INPP5A: variants seen among roughly 807,000 people sequenced by gnomAD.
INPP5A encodes 43 kDa inositol polyphosphate 5-phophatase.
INPP5A carries 14 observed loss-of-function variants against 65.2 expected under a neutral mutation model. That is an observed-to-expected ratio of 0.21 (90% CI 0.14 to 0.34). The LOEUF is 0.34. Ranked by LOEUF, INPP5A falls within the 10% of genes least tolerant of loss-of-function variation. The pLI is 1.00. For missense variants in INPP5A, 431 were observed against 545.6 expected (o/e 0.79, Z 2.09); for synonymous variants, 207 against 208.3 (o/e 0.99, Z 0.05).
rs1042814668 is a variant in INPP5A at position 132,537,893 on chromosome 10, C to A, written c.-204C>A. ...GCGGCGGCGAGCGACGGGCGCGGGG[C>A]CGCGGAGCAGCGAGCGAGCGAGCGA... On this transcript the variant is annotated 5_prime_UTR_variant, in exon 1 of 16. Coordinates refer to ENST00000368594, the MANE Select transcript of INPP5A (RefSeq NM_005539.5). The A allele has an allele frequency of 6.6e-5, 20 of 304,002 alleles. No individual in the cohort carries two copies. Among genetic ancestry groups the A allele is most frequent in the African/African-American group, 4.2e-4 (19 of 44,898 alleles). 18.8% of individuals were successfully genotyped at this position (304,002 alleles called of 1,614,324 possible).
intron 2 of INPP5A, among the ~76,000 whole-genome samples, chr10:132,629,255 C>T (rs938635286): frequency 2.6e-5 from 4 of 152,334 alleles, no homozygotes; most frequent in African/African-American, 4.8e-5. Flanking sequence ...GACCCCAGCC[C>T]TCCCCTCCTA....
At chr10:132,749,673 C>T in intron 10 of INPP5A, 61 bp downstream of exon 10, 1 of 1,595,790 alleles carries the variant, frequency 6.3e-7, no homozygotes, top group Non-Finnish European at 8.6e-7. Context: ...TCTGCAGCTT[C>T]CTTCAGAGCC....
At chr10:132,691,525 C>T (rs1845261712) in intron 5 of INPP5A, among the ~76,000 whole-genome samples, 2 of 152,234 alleles carry the variant, frequency 1.3e-5, no homozygotes, top group South Asian at 2.1e-4. Flanking sequence ...CGCCGTGCCG[C>T]GGATCTGCAG....
At chr10:132,682,183 A>AAGGTGGACAGCGTCCTGGAGG (rs2073057112) in intron 4 of INPP5A, among the ~76,000 whole-genome samples, 1 of 100,272 alleles carries the variant, frequency 1.0e-5, no homozygotes, top group Non-Finnish European at 2.5e-5. Flanking sequence ...CGTCCTGGAG[A>AAGGTGGACAGCGTCCTGGAGG]TGGGAAGGTG....
At chr10:132,750,167 T>A (rs1846449406) in intron 11 of INPP5A, among the ~76,000 whole-genome samples, 1 of 152,250 alleles carries the variant, frequency 6.6e-6, no homozygotes, top group East Asian at 1.9e-4. Flanking sequence ...TGTCTCAGAG[T>A]GAACCGGCCG....
At chr10:132,723,002 A>T (rs1590957539) in intron 8 of INPP5A, among the ~76,000 whole-genome samples, 1 of 152,182 alleles carries the variant, frequency 6.6e-6, no homozygotes, top group Admixed American at 6.5e-5. Context: ...CTCGGCCGTG[A>T]CAGCCCCTTC....
intron 11 of INPP5A, among the ~76,000 whole-genome samples, chr10:132,760,272 G>C (rs1846708552): frequency 6.6e-6 from 1 of 152,228 alleles, no homozygotes; most frequent in South Asian, 2.1e-4. Flanking sequence ...CACAGGGCCA[G>C]CACCGAGGAC....
intron 11 of INPP5A, 92 bp from the exon 12 acceptor site, chr10:132,765,681 G>A (rs529932884): frequency 2.4e-5 from 19 of 778,386 alleles, no homozygotes; most frequent in African/African-American, 1.7e-4. Context: ...ATGTCACACC[G>A]AGCATTTGAG....
chr10:132,737,614 C>T (rs1033589180), intron 9 of INPP5A, among the ~76,000 whole-genome samples: 1 of 152,188 alleles, frequency 6.6e-6, no homozygotes, highest in Non-Finnish European at 1.5e-5. Context: ...CCCTCCCTGC[C>T]AGCTCCTCAG....
rs1398917995 is a variant in INPP5A, at chr10:132,549,952, C to G, written c.75+11781C>G. 1.7e-5 allele frequency among the ~76,000 whole-genome samples: 2 copies of G among 115,824 alleles called. No homozygotes were observed. Among genetic ancestry groups the G allele is most frequent in the African/African-American group, 6.8e-5 (2 of 29,398 alleles). The allele number at this position is 115,824 out of a possible 152,430, so 76.0% of individuals were successfully genotyped here. On this transcript the variant is annotated intron_variant, in intron 1 of 15. Coordinates refer to ENST00000368594, the MANE Select transcript of INPP5A (RefSeq NM_005539.5). This position sits in a 1 kb window ranked among gnomAD's most constrained non-coding sequence, Gnocchi z 4.9. ...GATGGGGTCAGCCTCGAGTTACTAA[C>G]CGGGCATTAGGGGATGGGGTCAGCC...
intron 13 of INPP5A, among the ~76,000 whole-genome samples, chr10:132,778,391 G>A (rs1847101008): frequency 6.9e-6 from 1 of 144,200 alleles, no homozygotes; most frequent in South Asian, 2.2e-4. Flanking sequence ...CAAATTCCTG[G>A]GCTCCAGCAT....
chr10:132,770,569 G>A lies in INPP5A; in HGVS notation c.977+4723G>A, dbSNP rs192645607. Among the ~76,000 whole-genome samples the A allele has an allele frequency of 8.8e-3, 1,346 of 152,316 alleles. 75 individuals are homozygous for A. Among genetic ancestry groups the A allele is most frequent in the Admixed American group, 0.082 (1,253 of 15,310 alleles). On this transcript the variant is annotated intron_variant, in intron 12 of 15. Coordinates refer to ENST00000368594, the MANE Select transcript of INPP5A (RefSeq NM_005539.5). ...CATCGAAATGGCCCCGCAGAGCCTC[G>A]CTGGCCGCCCCGGTGGCCTGGCCAC...
intron 2 of INPP5A, among the ~76,000 whole-genome samples, chr10:132,633,466 G>A (rs983514823): frequency 1.3e-5 from 2 of 152,128 alleles, no homozygotes; most frequent in African/African-American, 4.8e-5. Context: ...CGTGTCTGTC[G>A]GCTCTGGTGA....
At chr10:132,702,669 G>A (rs1000506335) in intron 6 of INPP5A, among the ~76,000 whole-genome samples, 3 of 152,192 alleles carry the variant, frequency 2.0e-5, no homozygotes, top group African/African-American at 4.8e-5. Flanking sequence ...CTGCCTGCCT[G>A]GAAGCAGGAG....
intron 1 of INPP5A, among the ~76,000 whole-genome samples, chr10:132,583,697 T>C (rs980005605): frequency 6.6e-6 from 1 of 152,252 alleles, no homozygotes; most frequent in African/African-American, 2.4e-5. Context: ...CTCCTTTATT[T>C]GGCTAACTTG....
intron 1 of INPP5A, among the ~76,000 whole-genome samples, chr10:132,569,750 C>T (rs1199020940): frequency 6.6e-6 from 1 of 150,780 alleles, no homozygotes; most frequent in Non-Finnish European, 1.5e-5. Flanking sequence ...GTGATCCACT[C>T]GCCTCAGCCT....
At chr10:132,630,555 G>A (rs1156694341) in intron 2 of INPP5A, among the ~76,000 whole-genome samples, 1 of 150,670 alleles carries the variant, frequency 6.6e-6, no homozygotes, top group Non-Finnish European at 1.5e-5. Context: ...ATGTCCATGA[G>A]GGGAAGACAT....
chr10:132,618,485 T>C (rs1021969168), intron 2 of INPP5A, among the ~76,000 whole-genome samples: 1 of 152,222 alleles, frequency 6.6e-6, no homozygotes, highest in Admixed American at 6.5e-5. Context: ...GCACTCTCAT[T>C]ATTGCTCATT....
In INPP5A at chr10:132,745,082, C is replaced by T. The variant is rs1846344915; in HGVS notation, c.733-4435C>T. 2.0e-5 allele frequency among the ~76,000 whole-genome samples: 3 copies of T among 152,320 alleles called. No individual in the cohort carries two copies. In the South Asian group the frequency reaches 6.2e-4, roughly 32 times the overall value. On this transcript the variant is annotated intron_variant, in intron 9 of 15. Coordinates refer to ENST00000368594, the MANE Select transcript of INPP5A (RefSeq NM_005539.5). ...CACAGAGGTGCATTTGCCTCTGCTC[C>T]AGGCGAGCTTGGGCGGTTCTGGGAG...
Sources: gnomAD v4.1 joint callset for allele counts (sites outside exome capture counted in the v4.1 genomes callset) on GRCh38, gnomAD v4.1.1 for gene constraint, Gnocchi (gnomAD v3.1) non-coding constraint, MANE v1.5 for transcripts, NCBI Gene and HGNC (gene_info 2026-07-23, HGNC 2026-07-21) for gene names.